ARHGAP39: variants seen among roughly 807,000 people sequenced by gnomAD.
ARHGAP39 encodes Rho GTPase activating protein 39.
A neutral mutation model predicts 106.9 loss-of-function variants in ARHGAP39; 44 were observed. The observed-to-expected ratio is 0.41, with a 90% CI of 0.32 to 0.53. The LOEUF (loss-of-function observed/expected upper bound fraction) is 0.53, where lower values mean the gene tolerates loss of function less well. Ranked by LOEUF, ARHGAP39 falls within the 20% of genes least tolerant of loss-of-function variation. The probability of loss-of-function intolerance (pLI) is 0.21; values close to 1 mark genes in which losing one functional copy is unlikely to be tolerated. For missense variants in ARHGAP39, 1,496 were observed against 1,577.3 expected (o/e 0.95, Z 0.87); for synonymous variants, 768 against 693.2 (o/e 1.11, Z -1.69).
Position 144,547,364 on chromosome 8 carries a change from G to A in ARHGAP39, c.1722C>T (p.Ser574=), listed in dbSNP as rs1455656599. The change falls in exon 5 of 12, where the codon AGC becomes AGT. Residue 574 remains serine, a synonymous_variant. Transcript: ENST00000377307. This position sits in a 1 kb window ranked among gnomAD's most constrained non-coding sequence, Gnocchi z 5.2. ...QQAHFHMKQR[S]SWDSQQDGSG... is the part of the protein sequence containing the mutation. ...AGCCGTCCTGCTGGGAGTCCCAGCT[G>A]CTCCTCTGCTTCATGTGGAAGTGGG... 1 of 1,601,478 alleles carries A rather than the reference G, an allele frequency of 6.2e-7. No homozygotes were observed. Among genetic ancestry groups the A allele is most frequent in the Admixed American group, 1.7e-5 (1 of 59,782 alleles).
chr8:144,599,269 G>A (rs918342903), intron 2 of ARHGAP39, among the ~76,000 whole-genome samples: 1 of 152,122 alleles, frequency 6.6e-6, no homozygotes, highest in Non-Finnish European at 1.5e-5. Flanking sequence ...TACCCATATG[G>A]CCAACACAAG....
chr8:144,536,120 G>T (rs1419294905), intron 7 of ARHGAP39, among the ~76,000 whole-genome samples: 1 of 152,184 alleles, frequency 6.6e-6, no homozygotes, highest in Admixed American at 6.5e-5. Context: ...CACCTGTGTG[G>T]GGTGCTCTGC....
intron 1 of ARHGAP39, among the ~76,000 whole-genome samples, chr8:144,668,991 T>C (rs1383980389): frequency 6.6e-6 from 1 of 152,016 alleles, no homozygotes; most frequent in Non-Finnish European, 1.5e-5. Context: ...AGCACAGAGT[T>C]GAGTTCAGAA....
At chr8:144,693,058 C>CT in the ARHGAP39 span, among the ~76,000 whole-genome samples, 615 of 86,810 alleles carry the variant, frequency 7.1e-3, 8 homozygotes, top group African/African-American at 0.023. Flanking sequence ...TGCGCCCGGC[C>CT]TTTTTTTTTT....
chr8:144,584,740 G>A (rs937024499), intron 2 of ARHGAP39, among the ~76,000 whole-genome samples: 1 of 152,194 alleles, frequency 6.6e-6, no homozygotes, highest in Non-Finnish European at 1.5e-5. Flanking sequence ...TCAGGCCTGG[G>A]TGACAGAGCG....
intron 1 of ARHGAP39, among the ~76,000 whole-genome samples, chr8:144,635,656 T>TC (rs1821154835): frequency 6.6e-6 from 1 of 152,146 alleles, no homozygotes; most frequent in Non-Finnish European, 1.5e-5. Flanking sequence ...GTGGGGGTGG[T>TC]CTTGGGGAGC....
Position 144,601,390 on chromosome 8 carries a change from G to A in ARHGAP39, c.80+4145C>T, listed in dbSNP as rs544633442. On this transcript the variant is annotated intron_variant, in intron 2 of 11. Transcript: ENST00000377307. ...CATGTACCTGTGTGTGCGTTGAGGC[G>A]TGTGTGCTCGTCTACCTGCGTGCAT... 4.8e-3 allele frequency among the ~76,000 whole-genome samples: 693 copies of A among 145,428 alleles called. 5 individuals are homozygous for A. Among genetic ancestry groups the A allele is most frequent in the African/African-American group, 0.017 (666 of 39,060 alleles).
At chr8:144,673,932 C>T (rs1446968680) in intron 1 of ARHGAP39, among the ~76,000 whole-genome samples, 1 of 152,228 alleles carries the variant, frequency 6.6e-6, no homozygotes, top group Non-Finnish European at 1.5e-5. Context: ...ACCAGATGTA[C>T]TGCATGTGGC....
intron 1 of ARHGAP39, among the ~76,000 whole-genome samples, chr8:144,682,801 A>G (rs975492910): frequency 7.2e-5 from 11 of 152,212 alleles, no homozygotes; most frequent in Non-Finnish European, 1.5e-4. Context: ...ACTTGAGCTC[A>G]GGAGTTTGAG....
intron 2 of ARHGAP39, chr8:144,584,028 G>T (rs2130905397): frequency 6.6e-6 from 1 of 152,366 alleles, no homozygotes; most frequent in African/African-American, 2.4e-5. Context: ...GACAAGGAAG[G>T]ACTGTCACAG....
At position 144,547,993 on chromosome 8, in the gene ARHGAP39, G is replaced by A. The variant is rs778151738; in HGVS notation, c.1093C>T (p.Pro365Ser). The change falls in exon 5 of 12, where the codon CCC (proline) becomes TCC (serine). Residue 365 changes from proline (P) to serine (S), a missense_variant. Pro to Ser is a moderately conservative substitution (Grantham distance 74, BLOSUM62 -1). Around this residue, in one of 4 missense-constraint regions of ARHGAP39, gnomAD observed 905 missense variants for 816.4 expected, o/e 1.11. Coordinates refer to ENST00000377307, the MANE Select transcript of ARHGAP39 (RefSeq NM_025251.3). This position sits in a 1 kb window ranked among gnomAD's most constrained non-coding sequence, Gnocchi z 5.2. ...PFLQPNKQGP[P>S]SPCQQLVLTK... ...AGCACCAGCTGCTGGCAGGGCGAGGGGGGGCCCTGCTTGTTGGGCTGGAGG... is the reference window on the plus strand; with the variant it reads ...AGCACCAGCTGCTGGCAGGGCGAGGAGGGGCCCTGCTTGTTGGGCTGGAGG... 6.2e-7 allele frequency: 1 copy of A among 1,610,134 alleles called. No individual in the cohort carries two copies. The highest frequency in any genetic ancestry group is 8.5e-7 in the Non-Finnish European group (1 of 1,179,140).
the ARHGAP39 span, chr8:144,698,956 C>G: frequency 2.5e-5 from 11 of 444,104 alleles, no homozygotes; most frequent in Non-Finnish European, 4.5e-5. Context: ...GCCTGCAACC[C>G]CAGTGAGAAG....
intron 1 of ARHGAP39, among the ~76,000 whole-genome samples, chr8:144,649,519 C>T (rs916548646): frequency 6.6e-6 from 1 of 152,158 alleles, no homozygotes; most frequent in Non-Finnish European, 1.5e-5. Flanking sequence ...TCTGTAATCC[C>T]AGCACTTTGG....
chr8:144,635,978 G>A (rs113297805), intron 1 of ARHGAP39, among the ~76,000 whole-genome samples: 3 of 62,398 alleles, frequency 4.8e-5, no homozygotes, highest in East Asian at 5.2e-4. Context: ...AGACAGTGTG[G>A]GGACTGAATT....
In ARHGAP39 at chr8:144,645,930, C is replaced by T. The variant is rs1397881267; in HGVS notation, c.-82+39756G>A. ...TGGTGCAAGGTATGCGGCAGCAACA[C>T]CATCTTTAGGATGTCACTGTGTAAC... is the stretch of plus-strand genomic sequence containing the variant. On this transcript the variant is annotated intron_variant, in intron 1 of 11. Transcript: ENST00000377307. This position sits in a 1 kb window ranked among gnomAD's most constrained non-coding sequence, Gnocchi z 4.4. Among the ~76,000 whole-genome samples, 1 of 152,226 alleles carries T rather than the reference C, an allele frequency of 6.6e-6. No homozygotes were observed. The highest frequency in any genetic ancestry group is 1.9e-4 in the East Asian group (1 of 5,198).
intron 1 of ARHGAP39, among the ~76,000 whole-genome samples, chr8:144,654,064 G>C (rs1333121515): frequency 6.6e-6 from 1 of 152,184 alleles, no homozygotes. Context: ...GTGGCAAATG[G>C]AATTATCCAA....
rs999572618 is a variant in ARHGAP39, at chr8:144,563,622, TA to T, written c.513-7980del. ...GAAAGATAGTGAGACCTTATCTCTA[TA>T]AAAAAAAAATAATAATAATAAAAGA... On this transcript the variant is annotated intron_variant, in intron 3 of 11. Coordinates refer to ENST00000377307, the MANE Select transcript of ARHGAP39 (RefSeq NM_025251.3). Among the ~76,000 whole-genome samples the T allele has an allele frequency of 4.8e-3, 710 of 146,776 alleles. 3 individuals carry two copies. The highest frequency in any genetic ancestry group is 0.016 in the African/African-American group (626 of 40,204).
At chr8:144,642,667 G>A (rs1821342101) in intron 1 of ARHGAP39, among the ~76,000 whole-genome samples, 1 of 152,152 alleles carries the variant, frequency 6.6e-6, no homozygotes, top group Non-Finnish European at 1.5e-5. Context: ...TCTCATGACT[G>A]TGAATAAGTG....
At chr8:144,691,698 C>G in the ARHGAP39 span, among the ~76,000 whole-genome samples, 1 of 152,054 alleles carries the variant, frequency 6.6e-6, no homozygotes, top group African/African-American at 2.4e-5. Flanking sequence ...GCCCACAATG[C>G]ATTGCAATCC....
Sources: allele counts gnomAD v4.1 joint callset (sites outside exome capture counted in the v4.1 genomes callset), GRCh38; gene constraint gnomAD v4.1.1; regional missense constraint gnomAD v4.1.1; non-coding constraint Gnocchi (gnomAD v3.1); transcripts MANE v1.5; gene names NCBI Gene and HGNC (gene_info 2026-07-23, HGNC 2026-07-21).